CYP39A1: variants seen among roughly 807,000 people sequenced by gnomAD.
CYP39A1 encodes the protein cytochrome P450 family 39 subfamily A member 1, also known as 24-hydroxycholesterol 7-alpha-hydroxylase.
A neutral mutation model predicts 58.1 loss-of-function variants in CYP39A1; 49 were observed. That is an observed-to-expected ratio of 0.84 (90% CI 0.67 to 1.07). CYP39A1 has a LOEUF of 1.07. Among genes scored for constraint, CYP39A1 ranks in the 50% least tolerant of loss-of-function variants. The pLI, the probability that CYP39A1 is intolerant of heterozygous loss-of-function variation, is 0.00. For missense variants in CYP39A1, 531 were observed against 539.4 expected (o/e 0.98, Z 0.16); for synonymous variants, 209 against 187.6 (o/e 1.11, Z -0.93).
intron 8 of CYP39A1, among the ~76,000 whole-genome samples, chr6:46,594,554 T>C (rs76583186): frequency 0.056 from 8,440 of 152,008 alleles, 309 homozygotes; most frequent in Middle Eastern, 0.088. Flanking sequence ...GAACATACAA[T>C]AGAAAATGGA....
At chr6:46,639,350 T>A (rs1185767850) in intron 3 of CYP39A1, 144 bp downstream of exon 3, 1 of 756,992 alleles carries the variant, frequency 1.3e-6, no homozygotes, top group Non-Finnish European at 2.1e-6. Context: ...AAAAATAATT[T>A]AAAAGATTAA....
At chr6:46,637,189 C>A (rs1776041692) in intron 4 of CYP39A1, among the ~76,000 whole-genome samples, 1 of 152,182 alleles carries the variant, frequency 6.6e-6, no homozygotes, top group South Asian at 2.1e-4. Context: ...GACCCCCAGC[C>A]TCCAGGGCAA....
At chr6:46,579,585 G>A (rs148878278) in intron 10 of CYP39A1, among the ~76,000 whole-genome samples, 46 of 152,136 alleles carry the variant, frequency 3.0e-4, no homozygotes, top group African/African-American at 1.1e-3. Context: ...CTTCACAAAC[G>A]ATATGATTCT....
chr6:46,562,721 A>C (rs1339389881), intron 10 of CYP39A1, among the ~76,000 whole-genome samples: 1 of 152,134 alleles, frequency 6.6e-6, no homozygotes, highest in African/African-American at 2.4e-5. Flanking sequence ...GAATAATAAA[A>C]AATTTCAAAA....
chr6:46,558,873 G>A (rs910010580), intron 10 of CYP39A1, among the ~76,000 whole-genome samples: 7 of 151,810 alleles, frequency 4.6e-5, no homozygotes, highest in Non-Finnish European at 8.8e-5. Flanking sequence ...GCACGCACCT[G>A]TAATCCCAGC....
chr6:46,620,177 CTT>C (rs1774867590), intron 7 of CYP39A1, among the ~76,000 whole-genome samples: 1 of 152,100 alleles, frequency 6.6e-6, no homozygotes, highest in African/African-American at 2.4e-5. Flanking sequence ...TCAAACCCCT[CTT>C]TATATCTCCA....
intron 6 of CYP39A1, among the ~76,000 whole-genome samples, chr6:46,629,885 C>T (rs1373822584): frequency 1.3e-5 from 2 of 151,550 alleles, no homozygotes; most frequent in African/African-American, 4.9e-5. Flanking sequence ...CTGAACATGA[C>T]GTGACAGACA....
At chr6:46,650,820 CTTGTT>C (rs1375503537) in intron 1 of CYP39A1, among the ~76,000 whole-genome samples, 8 of 152,080 alleles carry the variant, frequency 5.3e-5, no homozygotes, top group Non-Finnish European at 1.2e-4. Flanking sequence ...CCAGCAATAA[CTTGTT>C]TTGTTTAGTC....
intron 1 of CYP39A1, among the ~76,000 whole-genome samples, chr6:46,644,012 C>T (rs1162209764): frequency 1.3e-5 from 2 of 152,134 alleles, no homozygotes; most frequent in Admixed American, 1.3e-4. Context: ...TAACATCTTG[C>T]AAAACTATAG....
At chr6:46,575,036 G>A (rs1383054344) in intron 10 of CYP39A1, among the ~76,000 whole-genome samples, 1 of 152,078 alleles carries the variant, frequency 6.6e-6, no homozygotes, top group African/African-American at 2.4e-5. Flanking sequence ...GGGTTGCCGA[G>A]CACCAGGACT....
chr6:46,572,495 C>G, intron 10 of CYP39A1, among the ~76,000 whole-genome samples: 1 of 152,218 alleles, frequency 6.6e-6, no homozygotes, highest in East Asian at 1.9e-4. Context: ...TCATCCCATT[C>G]TTTTCTGGCC....
chr6:46,631,068 T>C lies in CYP39A1; in HGVS notation c.735A>G (p.Thr245=), dbSNP rs773329565. 1.3e-5 allele frequency: 21 copies of C among 1,611,500 alleles called. No homozygotes were observed. The highest frequency in any genetic ancestry group is 2.2e-5 in the South Asian group (2 of 90,844). Residue 245 remains threonine, a splice_region_variant and synonymous_variant, in exon 6 of 12, where the codon ACA becomes ACG. Transcript: ENST00000275016. ...CAATATCCAGCGTAGCTTGCAATAA[T>C]GTCTGTTTAAAAGAAATAAACATTG... ...ACKSAKDNSM[T]LLQATLDIVE...
chr6:46,646,810 T>C (rs1159712833), intron 1 of CYP39A1, among the ~76,000 whole-genome samples: 1 of 152,106 alleles, frequency 6.6e-6, no homozygotes, highest in East Asian at 1.9e-4. Context: ...TAAGAATTGA[T>C]CCATTTTATA....
intron 7 of CYP39A1, 88 bp from the exon 8 acceptor site, chr6:46,596,208 G>T: frequency 1.1e-6 from 1 of 932,146 alleles, no homozygotes; most frequent in Non-Finnish European, 1.6e-6. Flanking sequence ...GTTAGATGTT[G>T]CCTCTGACAG....
At chr6:46,552,876 A>G (rs1024329998) in intron 11 of CYP39A1, among the ~76,000 whole-genome samples, 5 of 151,886 alleles carry the variant, frequency 3.3e-5, no homozygotes, top group Non-Finnish European at 5.9e-5. Flanking sequence ...GCAAAACAAC[A>G]TCTCTACTAA....
chr6:46,616,221 TCCC>T (rs1561994378), intron 7 of CYP39A1, among the ~76,000 whole-genome samples: 3 of 24,694 alleles, frequency 1.2e-4, no homozygotes, highest in East Asian at 1.3e-3. Context: ...CCTCCCTCCC[TCCC>T]TCCCTCCCTC....
intron 7 of CYP39A1, among the ~76,000 whole-genome samples, chr6:46,610,998 G>C (rs1317475312): frequency 6.6e-6 from 1 of 152,158 alleles, no homozygotes; most frequent in Non-Finnish European, 1.5e-5. Context: ...ATACAGACTG[G>C]GGAAAGCAAA....
chr6:46,618,067 C>T (rs1319062063), intron 7 of CYP39A1, among the ~76,000 whole-genome samples: 2 of 152,132 alleles, frequency 1.3e-5, no homozygotes, highest in Non-Finnish European at 2.9e-5. Context: ...ACAACAGTTA[C>T]TAATTTCATG....
rs115140545 is a variant in CYP39A1 at position 46,568,994 on chromosome 6, T to G, written c.1251-15140A>C. On this transcript the variant is annotated intron_variant, in intron 10 of 11. Coordinates refer to ENST00000275016, the MANE Select transcript of CYP39A1 (RefSeq NM_016593.5). ...TGGGTAGCACTGGCATCTTTAACAT[T>G]ATTAGTCTTCCAATCCAGAAACATG... is the stretch of plus-strand genomic sequence containing the variant. Among the ~76,000 whole-genome samples, 200 of 152,210 alleles carry G rather than the reference T, an allele frequency of 1.3e-3. 1 individual carries two copies. Among genetic ancestry groups the G allele is most frequent in the African/African-American group, 4.6e-3 (191 of 41,560 alleles).
Sources: allele counts gnomAD v4.1 joint callset (sites outside exome capture counted in the v4.1 genomes callset), GRCh38; gene constraint gnomAD v4.1.1; transcripts MANE v1.5; gene names NCBI Gene and HGNC (gene_info 2026-07-23, HGNC 2026-07-21).